ERG: variants seen among roughly 807,000 people sequenced by gnomAD.
The protein encoded by ERG is ETS transcription factor ERG.
In ERG, 9 loss-of-function variants were observed where a neutral mutation model predicts 55.3. That is an observed-to-expected ratio of 0.16 (90% CI 0.10 to 0.28). ERG has a LOEUF of 0.28. ERG is among the 10% of genes least tolerant of loss of function. The pLI is 1.00. For synonymous variants in ERG, 223 were observed against 237.3 expected, an observed-to-expected ratio of 0.94 and a Z score of 0.55; for missense variants, 434 against 631.6, an observed-to-expected ratio of 0.69 and a Z score of 3.35.
In ERG at chr21:38,640,319, C is replaced by T. The variant is rs1213797117; in HGVS notation, c.-150+21339G>A. Among the ~76,000 whole-genome samples, 8 of 152,084 alleles carry T rather than the reference C, an allele frequency of 5.3e-5. No homozygotes were observed. In the East Asian group the frequency reaches 1.4e-3, roughly 26 times the overall value. ...CAACTTAACCAACATTATGATTTACCTACATTGGAAGGATGGAGAAACAGG... is the reference window on the plus strand; with the variant it reads ...CAACTTAACCAACATTATGATTTACTTACATTGGAAGGATGGAGAAACAGG... On this transcript the variant is annotated intron_variant, in intron 1 of 10. Transcript: ENST00000398910.
chr21:38,591,928 T>G (rs953681520), intron 1 of ERG, among the ~76,000 whole-genome samples: 1 of 152,212 alleles, frequency 6.6e-6, no homozygotes, highest in Non-Finnish European at 1.5e-5. Flanking sequence ...AAAGCAGGTA[T>G]GTTTATAGAC....
At chr21:38,451,309 C>A in intron 1 of ERG, 2 of 446,348 alleles carry the variant, frequency 4.5e-6, no homozygotes, top group South Asian at 3.2e-5. Context: ...TAGCAATGGG[C>A]CCTGCATACA....
chr21:38,544,116 C>T (rs2059772878), intron 2 of ERG, among the ~76,000 whole-genome samples: 1 of 152,180 alleles, frequency 6.6e-6, no homozygotes, highest in South Asian at 2.1e-4. Context: ...AAGTGAGGAA[C>T]TAAGTCATAA....
At position 38,382,947 on chromosome 21, in the gene ERG, T is replaced by TC. The variant is rs1490186982; in HGVS notation, c.*455_*456insG. 6 of 1,066,460 alleles carry TC rather than the reference T, an allele frequency of 5.6e-6. No individual in the cohort carries two copies. Among genetic ancestry groups the TC allele is most frequent in the Non-Finnish European group, 6.8e-6 (6 of 879,836 alleles). The allele number at this position is 1,066,460 out of a possible 1,614,324, so 66.1% of individuals were successfully genotyped here. A position where few individuals can be genotyped will look rare whatever the true frequency, so the allele number is the denominator to read the frequency against. On this transcript the variant is annotated 3_prime_UTR_variant, in exon 10 of 10. Coordinates refer to ENST00000288319, the MANE Select transcript of ERG (RefSeq NM_182918.4). ...CTCGTGTCTTTTCTCTTGTTTTTGA[T>TC]ATGTTTCTATTTTTAAATACAGGTA... is the stretch of plus-strand genomic sequence containing the variant.
At position 38,561,107 on chromosome 21, in the gene ERG, C is replaced by A. The variant is rs115343953; in HGVS notation, c.-41+14555G>T. On this transcript the variant is annotated intron_variant, in intron 2 of 8. Transcript: ENST00000398897. ...TACCTAACCTAAGGGTTATGTTGTTCGTTTGTTTTTAATTTCAGGTTTGAG... is the reference window on the plus strand; with the variant it reads ...TACCTAACCTAAGGGTTATGTTGTTAGTTTGTTTTTAATTTCAGGTTTGAG... 1.3e-4 allele frequency among the ~76,000 whole-genome samples: 19 copies of A among 151,428 alleles called. 1 individual carries two copies. The highest frequency in any genetic ancestry group is 1.2e-3 in the Admixed American group (19 of 15,202).
intron 2 of ERG, among the ~76,000 whole-genome samples, chr21:38,510,067 C>T (rs1009707087): frequency 2.6e-5 from 4 of 152,192 alleles, no homozygotes; most frequent in Non-Finnish European, 2.9e-5. Context: ...AGTGTGTCTC[C>T]GTTTCTGGGA....
chr21:38,568,672 C>G (rs1174197156), intron 2 of ERG, among the ~76,000 whole-genome samples: 1 of 152,190 alleles, frequency 6.6e-6, no homozygotes, highest in African/African-American at 2.4e-5. Flanking sequence ...ATTGTTGGTG[C>G]CTGATCCTCA....
intron 5 of ERG, 77 bp downstream of exon 5, chr21:38,402,480 G>T (rs1363874391): frequency 1.2e-5 from 13 of 1,078,214 alleles, no homozygotes; most frequent in Non-Finnish European, 1.8e-5. Flanking sequence ...CGCGCTGACT[G>T]GTTTCCCATG....
In ERG at chr21:38,400,579, C is replaced by T; in HGVS notation, c.740G>A (p.Arg247Lys). ...YPEATQRITT[R>K]PDLPYEPPRR... ...ACACAGGGGTGTTTTCGTACCTGGCCTAGTTGTAATTCTTTGCGTAGCTTC... is the reference window on the plus strand; with the variant it reads ...ACACAGGGGTGTTTTCGTACCTGGCTTAGTTGTAATTCTTTGCGTAGCTTC... Residue 247 changes from arginine (R) to lysine (K), a missense_variant, in exon 6 of 10, where the codon AGG (arginine) becomes AAG (lysine). This residue lies in a region of ERG where 99 missense variants were observed against 145.6 expected (regional missense o/e 0.68). Transcript: ENST00000288319. 1 of 1,613,326 alleles carries T rather than the reference C, an allele frequency of 6.2e-7. No homozygotes were observed. The highest frequency in any genetic ancestry group is 1.3e-5 in the African/African-American group (1 of 75,012).
At chr21:38,417,093 G>T (rs1326538947) in intron 3 of ERG, among the ~76,000 whole-genome samples, 2 of 152,198 alleles carry the variant, frequency 1.3e-5, no homozygotes, top group African/African-American at 2.4e-5. Flanking sequence ...CCCCACATGG[G>T]TGGGTCTTAG....
chr21:38,635,452 G>A (rs1279941915), intron 1 of ERG, among the ~76,000 whole-genome samples: 1 of 151,976 alleles, frequency 6.6e-6, no homozygotes, highest in Admixed American at 6.6e-5. Context: ...AAACTACTCT[G>A]AGATACCAAA....
Position 38,472,772 on chromosome 21 carries a change from T to C in ERG, c.18+25591A>G, listed in dbSNP as rs561387566. Among the ~76,000 whole-genome samples the C allele has an allele frequency of 3.3e-4, 51 of 152,344 alleles. 1 individual carries two copies. Among genetic ancestry groups the C allele is most frequent in the African/African-American group, 1.2e-3 (51 of 41,582 alleles). ...TCAGCTACTAAGTTTCTCTTTTCCA[T>C]GACGCTCAAAGCAGAAAATGGCTGC... On this transcript the variant is annotated intron_variant, in intron 1 of 9. Transcript: ENST00000288319.
At chr21:38,468,874 A>G (rs2059113371) in intron 1 of ERG, among the ~76,000 whole-genome samples, 1 of 151,402 alleles carries the variant, frequency 6.6e-6, no homozygotes, top group Non-Finnish European at 1.5e-5. Flanking sequence ...AGTCCCAGCT[A>G]CTAGGGAGGC....
At chr21:38,529,713 C>G (rs1219040740) in intron 2 of ERG, among the ~76,000 whole-genome samples, 4 of 152,048 alleles carry the variant, frequency 2.6e-5, no homozygotes, top group African/African-American at 9.7e-5. Flanking sequence ...GCCTGTAATC[C>G]CAGCACTTTG....
At chr21:38,478,780 T>C (rs904198749) in intron 1 of ERG, among the ~76,000 whole-genome samples, 1 of 152,108 alleles carries the variant, frequency 6.6e-6, no homozygotes, top group Non-Finnish European at 1.5e-5. Context: ...TAGGATGCCG[T>C]TTTATGAGTT....
intron 1 of ERG, among the ~76,000 whole-genome samples, chr21:38,609,896 G>T (rs556084517): frequency 1.3e-5 from 2 of 152,206 alleles, no homozygotes; most frequent in Non-Finnish European, 2.9e-5. Flanking sequence ...AAGCATTAGC[G>T]TGTGTTGAAT....
chr21:38,543,597 A>C (rs1353075567), intron 2 of ERG, among the ~76,000 whole-genome samples: 1 of 152,176 alleles, frequency 6.6e-6, no homozygotes, highest in Admixed American at 6.5e-5. Flanking sequence ...AACAAGCAAA[A>C]TAAAAACCCC....
rs28710809 is a variant in ERG at position 38,454,177 on chromosome 21, T to C, written c.19-8556A>G. Among the ~76,000 whole-genome samples the C allele has an allele frequency of 4.7e-3, 723 of 152,328 alleles. 5 individuals carry two copies. The highest frequency in any genetic ancestry group is 8.4e-3 in the Admixed American group (128 of 15,306). On this transcript the variant is annotated intron_variant, in intron 1 of 9. Coordinates refer to ENST00000288319, the MANE Select transcript of ERG (RefSeq NM_182918.4). Reference sequence around the variant, plus strand: ...TTTTTATCTAGTTTTAAATAATTCATTTGAGATAAAAAGAAGTTTTTCTTT... The same window carrying C: ...TTTTTATCTAGTTTTAAATAATTCACTTGAGATAAAAAGAAGTTTTTCTTT...
At chr21:38,499,971 G>C (rs1477563283), upstream of ERG, among the ~76,000 whole-genome samples, 5 of 152,156 alleles carry the variant, frequency 3.3e-5, no homozygotes, top group East Asian at 7.7e-4. Context: ...TACATTATGA[G>C]GGGGTGTTGA....
Sources: gnomAD v4.1 joint callset for allele counts (sites outside exome capture counted in the v4.1 genomes callset) on GRCh38, gnomAD v4.1.1 for gene constraint, gnomAD v4.1.1 regional missense constraint, MANE v1.5 for transcripts, NCBI Gene and HGNC (gene_info 2026-07-23, HGNC 2026-07-21) for gene names.